TET3: variants seen among roughly 807,000 people sequenced by gnomAD.
TET3 encodes the protein methylcytosine dioxygenase TET3.
A neutral mutation model predicts 141.4 loss-of-function variants in TET3; 19 were observed. The observed-to-expected ratio is 0.13, with a 90% CI of 0.09 to 0.20. The LOEUF is 0.20. Among genes scored for constraint, TET3 ranks in the 10% least tolerant of loss-of-function variants. The pLI, the probability that TET3 is intolerant of heterozygous loss-of-function variation, is 1.00. For synonymous variants in TET3, 1,043 were observed against 980.9 expected (o/e 1.06, Z -1.18); for missense variants, 1,874 against 2,356.9 (o/e 0.80, Z 4.24).
chr2:74,027,509 A>G (rs1356728392), intron 3 of TET3, among the ~76,000 whole-genome samples: 1 of 152,100 alleles, frequency 6.6e-6, no homozygotes, highest in Non-Finnish European at 1.5e-5. Flanking sequence ...TGTGGCAAAT[A>G]GCATTCACTC....
At chr2:74,016,253 C>T (rs12713805) in intron 3 of TET3, among the ~76,000 whole-genome samples, 59,185 of 150,804 alleles carry the variant, frequency 0.39, 14,645 homozygotes, top group African/African-American at 0.7. Flanking sequence ...TAGTGTGCTA[C>T]GATCAGGCCA....
intron 3 of TET3, among the ~76,000 whole-genome samples, chr2:74,024,325 G>A (rs1686220022): frequency 6.6e-6 from 1 of 152,220 alleles, no homozygotes; most frequent in South Asian, 2.1e-4. Context: ...ACTTTGAGTT[G>A]GCCCTCTGGC....
chr2:74,067,396 CTGTTG>C (rs1688964691), intron 4 of TET3, among the ~76,000 whole-genome samples: 2 of 152,320 alleles, frequency 1.3e-5, no homozygotes, highest in Admixed American at 1.3e-4. Context: ...CAACAGCTAC[CTGTTG>C]AGCTTATGTT....
At position 74,107,413 on chromosome 2, in the gene TET3, G is replaced by T. The variant is rs1032282802; in HGVS notation, c.*5237G>T. ...TAGTGGTATTGTTTGCTCCCTCTTC[G>T]CGTTTTGACTACCCGTCATTCAGGG... On this transcript the variant is annotated 3_prime_UTR_variant, in exon 12 of 12. Coordinates refer to ENST00000409262, the MANE Select transcript of TET3 (RefSeq NM_001287491.2). The T allele has an allele frequency of 6.6e-6, 1 of 152,136 alleles. No homozygotes were observed. Among genetic ancestry groups the T allele is most frequent in the African/African-American group, 2.4e-5 (1 of 41,420 alleles). The allele number at this position is 152,136 out of a possible 1,614,324, so 9.4% of individuals were successfully genotyped here. A position where few individuals can be genotyped will look rare whatever the true frequency, so the allele number is the denominator to read the frequency against.
chr2:74,026,333 G>T (rs1368180510), intron 3 of TET3, among the ~76,000 whole-genome samples: 1 of 152,132 alleles, frequency 6.6e-6, no homozygotes, highest in Admixed American at 6.5e-5. Context: ...CTCGGTTTGG[G>T]GATGTGGGTT....
chr2:73,990,755 T>TG (rs1407612818), intron 2 of TET3, among the ~76,000 whole-genome samples: 1 of 152,186 alleles, frequency 6.6e-6, no homozygotes, highest in Non-Finnish European at 1.5e-5. Flanking sequence ...ACCTTGGAAT[T>TG]GGGAATCTTT....
At chr2:74,071,108 A>G (rs1044386585) in intron 4 of TET3, among the ~76,000 whole-genome samples, 1 of 152,160 alleles carries the variant, frequency 6.6e-6, no homozygotes, top group African/African-American at 2.4e-5. Flanking sequence ...TAGCTTGTAG[A>G]CAGCCACCTC....
At chr2:74,021,096 C>T (rs1167482500) in intron 3 of TET3, among the ~76,000 whole-genome samples, 2 of 152,248 alleles carry the variant, frequency 1.3e-5, no homozygotes, top group Admixed American at 6.5e-5. Flanking sequence ...AAGTATTGCT[C>T]TATCTGCCCC....
intron 2 of TET3, among the ~76,000 whole-genome samples, chr2:74,001,561 T>C (rs1684849659): frequency 1.3e-5 from 2 of 152,152 alleles, no homozygotes; most frequent in African/African-American, 4.8e-5. Flanking sequence ...CTGGAGTTTG[T>C]GGGTACCAAA....
At chr2:73,999,703 G>T (rs1193873732) in intron 2 of TET3, among the ~76,000 whole-genome samples, 1 of 152,222 alleles carries the variant, frequency 6.6e-6, no homozygotes, top group Non-Finnish European at 1.5e-5. Context: ...CCCCTATGCA[G>T]AGGGGTTCCA....
In TET3 at chr2:74,101,047, C is replaced by T; in HGVS notation, c.4259C>T (p.Thr1420Ile). ...AGAGACGCTGGCAAGATGGGCAAGA[C>T]ACCTCTGTCCGAGGTGTCTCAGAAT... Reference protein sequence around the residue: ...VPRDAGKMGKTPLSEVSQNGG... With the variant: ...VPRDAGKMGKIPLSEVSQNGG... The change falls in exon 12 of 12, where the codon ACA becomes ATA. Residue 1420 changes from threonine to isoleucine, a missense_variant. Physicochemically the swap from Thr to Ile is moderately conservative, Grantham distance 89. Transcript: ENST00000409262. This position sits in a 1 kb window ranked among gnomAD's most constrained non-coding sequence, Gnocchi z 8.5. The T allele has an allele frequency of 6.2e-7, 1 of 1,613,076 alleles. No homozygotes were observed. The highest frequency in any genetic ancestry group is 2.2e-5 in the East Asian group (1 of 44,872).
Position 74,099,626 on chromosome 2 carries a change from G to C in TET3, c.3604+14G>C. Reference sequence around the variant, plus strand: ...CGTCGGACCCAGGTGTGTGGGGGGAGGGTGCCCGCTTGGAGTCACAATGGC... The same window carrying C: ...CGTCGGACCCAGGTGTGTGGGGGGACGGTGCCCGCTTGGAGTCACAATGGC... On this transcript the variant is annotated intron_variant, in intron 11 of 11. Transcript: ENST00000409262. The C allele has an allele frequency of 1.3e-6, 2 of 1,540,178 alleles. No homozygotes were observed. Among genetic ancestry groups the C allele is most frequent in the African/African-American group, 2.7e-5 (2 of 73,128 alleles).
intron 3 of TET3, among the ~76,000 whole-genome samples, chr2:74,003,915 A>G (rs993182579): frequency 6.6e-6 from 1 of 151,978 alleles, no homozygotes. Flanking sequence ...ATCAGCCATT[A>G]CTAGGAAACC....
intron 4 of TET3, among the ~76,000 whole-genome samples, chr2:74,061,055 C>T (rs372420188): frequency 4.0e-5 from 6 of 151,854 alleles, no homozygotes; most frequent in Admixed American, 1.3e-4. Context: ...GGGTGGTGGC[C>T]GGGCAGAGGG....
At chr2:74,097,479 AAGAC>A (rs1690919881) in intron 10 of TET3, among the ~76,000 whole-genome samples, 1 of 152,216 alleles carries the variant, frequency 6.6e-6, no homozygotes, top group South Asian at 2.1e-4. Flanking sequence ...CGGATATGGT[AAGAC>A]ATGCAGACCT....
Position 74,097,218 on chromosome 2 carries a change from C to CACACACACAT in TET3, c.3268-2049_3268-2048insTACACACACA, listed in dbSNP as rs770333786. ...ATGCACACACACACACACACACACACACACACACACACATACATTCAAATG... is the reference window on the plus strand; with the variant it reads ...ATGCACACACACACACACACACACACACACACACATACACACACACACATACATTCAAATG... On this transcript the variant is annotated intron_variant, in intron 10 of 11. Coordinates refer to ENST00000409262, the MANE Select transcript of TET3 (RefSeq NM_001287491.2). 2.9e-3 allele frequency among the ~76,000 whole-genome samples: 442 copies of CACACACACAT among 151,644 alleles called. 3 individuals are homozygous for CACACACACAT. The highest frequency in any genetic ancestry group is 2.6e-3 in the Non-Finnish European group (174 of 67,926).
the TET3 span, among the ~76,000 whole-genome samples, chr2:74,123,455 A>G: frequency 2.0e-5 from 3 of 152,206 alleles, no homozygotes; most frequent in South Asian, 2.1e-4. Context: ...TGTCTCTACT[A>G]AAAATACAAA....
At chr2:74,075,710 A>C (rs1428447577) in intron 5 of TET3, among the ~76,000 whole-genome samples, 2 of 152,204 alleles carry the variant, frequency 1.3e-5, no homozygotes, top group Non-Finnish European at 2.9e-5. Flanking sequence ...AATAAATAAA[A>C]GGTAAGATAC....
intron 2 of TET3, among the ~76,000 whole-genome samples, chr2:73,997,964 G>A (rs1684675984): frequency 6.6e-6 from 1 of 152,202 alleles, no homozygotes; most frequent in South Asian, 2.1e-4. Context: ...GAAGGAACAT[G>A]TCTTGAGAGT....
Sources: allele counts gnomAD v4.1 joint callset (sites outside exome capture counted in the v4.1 genomes callset), GRCh38; gene constraint gnomAD v4.1.1; non-coding constraint Gnocchi (gnomAD v3.1); transcripts MANE v1.5; gene names NCBI Gene and HGNC (gene_info 2026-07-23, HGNC 2026-07-21).